Variants in PRKG1 observed in about 807,000 individuals in gnomAD.
The protein encoded by PRKG1 is cGMP-dependent protein kinase 1.
A neutral mutation model predicts 88.1 loss-of-function variants in PRKG1; 35 were observed. The observed-to-expected ratio is 0.40, with a 90% CI of 0.30 to 0.53. PRKG1 has a LOEUF of 0.53. PRKG1 is among the 20% of genes least tolerant of loss of function. The probability of loss-of-function intolerance (pLI) is 0.59; values close to 1 mark genes in which losing one functional copy is unlikely to be tolerated. For missense variants in PRKG1, 540 were observed against 839.8 expected (o/e 0.64, Z 4.41); for synonymous variants, 303 against 292.5 (o/e 1.04, Z -0.37).
At chr10:51,958,750 A>G (rs913460186) in intron 5 of PRKG1, among the ~76,000 whole-genome samples, 1 of 152,100 alleles carries the variant, frequency 6.6e-6, no homozygotes, top group Non-Finnish European at 1.5e-5. Context: ...TCAGGCTACA[A>G]CTGTTTCTGA....
At chr10:51,349,460 G>A (rs1842188922) in intron 2 of PRKG1, among the ~76,000 whole-genome samples, 1 of 83,228 alleles carries the variant, frequency 1.2e-5, no homozygotes, top group Non-Finnish European at 2.7e-5. Flanking sequence ...TTGTTTGTGT[G>A]TGTGTGTGTG....
At chr10:51,295,858 A>AT (rs1184922049) in intron 2 of PRKG1, among the ~76,000 whole-genome samples, 1 of 151,986 alleles carries the variant, frequency 6.6e-6, no homozygotes. Flanking sequence ...TTCTATACCT[A>AT]TTTTGTTGAG....
At chr10:50,993,558 T>TTAA (rs1842803672) in intron 1 of PRKG1, among the ~76,000 whole-genome samples, 1 of 152,188 alleles carries the variant, frequency 6.6e-6, no homozygotes, top group African/African-American at 2.4e-5. Context: ...GCCCACCTCC[T>TTAA]TAAGAAGCCA....
At chr10:51,594,219 G>C (rs1459385220) in intron 3 of PRKG1, among the ~76,000 whole-genome samples, 1 of 151,834 alleles carries the variant, frequency 6.6e-6, no homozygotes, top group Non-Finnish European at 1.5e-5. Context: ...TGTAGAGATG[G>C]GGTCTTGTAT....
At chr10:52,039,191 C>A (rs1055574825) in intron 5 of PRKG1, among the ~76,000 whole-genome samples, 1 of 152,086 alleles carries the variant, frequency 6.6e-6, no homozygotes, top group South Asian at 2.1e-4. Flanking sequence ...CGGGTGCAGG[C>A]GGACTGAGTC....
At chr10:51,380,605 G>C (rs1161974726) in intron 2 of PRKG1, among the ~76,000 whole-genome samples, 1 of 151,996 alleles carries the variant, frequency 6.6e-6, no homozygotes, top group Admixed American at 6.6e-5. Context: ...TTCAAGACTG[G>C]GAAAACATTT....
intron 3 of PRKG1, among the ~76,000 whole-genome samples, chr10:51,735,813 T>G (rs552123723): frequency 6.7e-6 from 1 of 149,402 alleles, no homozygotes; most frequent in Admixed American, 6.7e-5. Flanking sequence ...TTTCTATCCC[T>G]GGTTGTGTAA....
intron 5 of PRKG1, among the ~76,000 whole-genome samples, chr10:51,998,528 T>C (rs1449123737): frequency 6.6e-6 from 1 of 152,210 alleles, no homozygotes; most frequent in Non-Finnish European, 1.5e-5. Flanking sequence ...CTACTGTATT[T>C]AGTTGTTTCC....
intron 2 of PRKG1, among the ~76,000 whole-genome samples, chr10:51,165,207 A>T (rs1489848834): frequency 6.6e-6 from 1 of 152,244 alleles, no homozygotes; most frequent in Non-Finnish European, 1.5e-5. Context: ...CTCTCAGCAG[A>T]AACTCTACAA....
Position 51,958,745 on chromosome 10 carries a change from C to G in PRKG1, c.762+51175C>G, listed in dbSNP as rs568425351. 2.6e-5 allele frequency among the ~76,000 whole-genome samples: 4 copies of G among 152,122 alleles called. 1 individual carries two copies. Among genetic ancestry groups the G allele is most frequent in the South Asian group, 4.2e-4 (2 of 4,818 alleles). ...TAAAATGGTCTGACATAGAATCAGG[C>G]TACAACTGTTTCTGATTGCTGCTAC... On this transcript the variant is annotated intron_variant, in intron 5 of 17. Coordinates refer to ENST00000373980, the MANE Select transcript of PRKG1 (RefSeq NM_006258.4).
chr10:52,262,353 C>A (rs962495749), intron 10 of PRKG1, among the ~76,000 whole-genome samples: 1 of 152,020 alleles, frequency 6.6e-6, no homozygotes, highest in Admixed American at 6.6e-5. Context: ...CTCACTGCAA[C>A]CTCTGCCTCC....
At chr10:51,710,538 T>C (rs904686574) in intron 3 of PRKG1, among the ~76,000 whole-genome samples, 2 of 152,230 alleles carry the variant, frequency 1.3e-5, no homozygotes, top group Non-Finnish European at 2.9e-5. Context: ...AAGCCTGCTC[T>C]ATGGATAGTA....
At chr10:51,365,918 A>G (rs1842579354) in intron 2 of PRKG1, among the ~76,000 whole-genome samples, 1 of 151,890 alleles carries the variant, frequency 6.6e-6, no homozygotes, top group Non-Finnish European at 1.5e-5. Context: ...ACTATACGAA[A>G]AAAAAAATTG....
At chr10:52,089,804 CTTTTT>C (rs397846439) in intron 7 of PRKG1, among the ~76,000 whole-genome samples, 8 of 67,720 alleles carry the variant, frequency 1.2e-4, no homozygotes, top group Admixed American at 2.4e-4. Flanking sequence ...TTCTTTCCTT[CTTTTT>C]TTTTTTTTTT....
intron 8 of PRKG1, among the ~76,000 whole-genome samples, chr10:52,142,510 A>G (rs530225756): frequency 6.6e-6 from 1 of 152,266 alleles, no homozygotes; most frequent in African/African-American, 2.4e-5. Context: ...ATCTTAATCT[A>G]ATTACACTAC....
intron 9 of PRKG1, among the ~76,000 whole-genome samples, chr10:52,220,057 T>C (rs1840205978): frequency 6.6e-6 from 1 of 152,170 alleles, no homozygotes; most frequent in East Asian, 1.9e-4. Context: ...AAAAGTGACA[T>C]TACTTTCCCT....
At chr10:52,004,597 A>G (rs1682517197) in intron 5 of PRKG1, among the ~76,000 whole-genome samples, 1 of 152,200 alleles carries the variant, frequency 6.6e-6, no homozygotes, top group Non-Finnish European at 1.5e-5. Flanking sequence ...TTCCTTAAAA[A>G]TGCATAGCAT....
intron 17 of PRKG1, among the ~76,000 whole-genome samples, chr10:52,293,243 T>G (rs1416362323): frequency 4.6e-5 from 7 of 151,886 alleles, no homozygotes; most frequent in Admixed American, 1.3e-4. Flanking sequence ...TACAACCCAC[T>G]GCTCAATGAA....
chr10:51,427,034 T>C (rs1054788332), intron 2 of PRKG1, among the ~76,000 whole-genome samples: 5 of 152,242 alleles, frequency 3.3e-5, no homozygotes, highest in Non-Finnish European at 5.9e-5. Flanking sequence ...TTTGCTTCTA[T>C]GTTGCTATTG....
Sources: allele counts gnomAD v4.1 joint callset (sites outside exome capture counted in the v4.1 genomes callset), GRCh38; gene constraint gnomAD v4.1.1; transcripts MANE v1.5; gene names NCBI Gene and HGNC (gene_info 2026-07-23, HGNC 2026-07-21).